Variants in CNOT10 observed in about 807,000 individuals in gnomAD.
CNOT10 encodes the protein CCR4-NOT transcription complex, subunit 10.
A neutral mutation model predicts 94.6 loss-of-function variants in CNOT10; 30 were observed. The observed-to-expected ratio is 0.32, with a 90% CI of 0.24 to 0.43. CNOT10 has a LOEUF of 0.43. Ranked by LOEUF, CNOT10 falls within the 20% of genes least tolerant of loss-of-function variation. The probability of loss-of-function intolerance (pLI) is 1.00; values close to 1 mark genes in which losing one functional copy is unlikely to be tolerated. For synonymous variants in CNOT10, 289 were observed against 301.6 expected (o/e 0.96, Z 0.43); for missense variants, 759 against 877.2 (o/e 0.87, Z 1.70).
At position 32,729,230 on chromosome 3, in the gene CNOT10, A is replaced by G. The variant is rs539604427; in HGVS notation, c.1215+1360A>G. On this transcript the variant is annotated intron_variant, in intron 10 of 18. Coordinates refer to ENST00000328834, the MANE Select transcript of CNOT10 (RefSeq NM_015442.3). ...CCAGGCTGTTTCTCTCTGACACATG[A>G]TTGCCCATGGTAGCTATGGGAATAG... Among the ~76,000 whole-genome samples the G allele has an allele frequency of 6.6e-5, 10 of 152,326 alleles. No homozygotes were observed. The South Asian group carries it at 1.7e-3, about 25-fold the overall frequency.
chr3:32,715,152 A>C (rs888542073), intron 5 of CNOT10, among the ~76,000 whole-genome samples: 2 of 152,216 alleles, frequency 1.3e-5, no homozygotes, highest in Non-Finnish European at 2.9e-5. Flanking sequence ...GGTGACAAAA[A>C]CAAAAACGTT....
rs190513244 is a variant in CNOT10 at position 32,724,779 on chromosome 3, G to A, written c.863-671G>A. Among the ~76,000 whole-genome samples, 588 of 150,418 alleles carry A rather than the reference G, an allele frequency of 3.9e-3. 3 individuals are homozygous for A. The highest frequency in any genetic ancestry group is 0.014 in the African/African-American group (565 of 41,032). On this transcript the variant is annotated intron_variant, in intron 8 of 18. Coordinates refer to ENST00000328834, the MANE Select transcript of CNOT10 (RefSeq NM_015442.3). ...TCACCATGTTGGCCAGGCTAGTCTCGAACTCCTGACCTCAAGTGATCCACC... is the reference window on the plus strand; with the variant it reads ...TCACCATGTTGGCCAGGCTAGTCTCAAACTCCTGACCTCAAGTGATCCACC...
At chr3:32,700,403 A>G (rs1251202452) in intron 1 of CNOT10, among the ~76,000 whole-genome samples, 1 of 152,214 alleles carries the variant, frequency 6.6e-6, no homozygotes, top group Non-Finnish European at 1.5e-5. Flanking sequence ...TCCACTTTGT[A>G]GCATCTGTTT....
chr3:32,725,189 A>G (rs1327377749), intron 8 of CNOT10, among the ~76,000 whole-genome samples: 1 of 152,132 alleles, frequency 6.6e-6, no homozygotes, highest in Non-Finnish European at 1.5e-5. Flanking sequence ...TAAAAAAGGA[A>G]AAAAAAATCC....
At chr3:32,712,839 A>G (rs534228279) in intron 4 of CNOT10, among the ~76,000 whole-genome samples, 1 of 152,364 alleles carries the variant, frequency 6.6e-6, no homozygotes, top group South Asian at 2.1e-4. Flanking sequence ...ATACCATCTC[A>G]GAAACAAAAA....
intron 13 of CNOT10, among the ~76,000 whole-genome samples, chr3:32,749,914 G>A (rs957535684): frequency 2.0e-5 from 3 of 152,072 alleles, no homozygotes; most frequent in African/African-American, 4.8e-5. Context: ...AGGAAAGGAG[G>A]GAAGGAGGAA....
chr3:32,688,412 A>C (rs1001347368), intron 1 of CNOT10, among the ~76,000 whole-genome samples: 1 of 151,988 alleles, frequency 6.6e-6, no homozygotes, highest in Non-Finnish European at 1.5e-5. Flanking sequence ...CAGCCTGACC[A>C]ACATGGTGAA....
At chr3:32,726,323 A>G (rs544842681) in intron 9 of CNOT10, among the ~76,000 whole-genome samples, 1 of 152,306 alleles carries the variant, frequency 6.6e-6, no homozygotes, top group South Asian at 2.1e-4. Flanking sequence ...CCTGACATTT[A>G]TCCTTTAATA....
Position 32,720,107 on chromosome 3 carries a change from T to C in CNOT10, c.745-7T>C. 3.6e-6 allele frequency: 5 copies of C among 1,395,940 alleles called. No individual in the cohort carries two copies. Among genetic ancestry groups the C allele is most frequent in the South Asian group, 1.5e-5 (1 of 66,902 alleles). 86.5% of individuals were successfully genotyped at this position (1,395,940 alleles called of 1,614,324 possible). A position where few individuals can be genotyped will look rare whatever the true frequency, so the allele number is the denominator to read the frequency against. On this transcript the variant is annotated splice_region_variant and splice_polypyrimidine_tract_variant and intron_variant, in intron 7 of 18. Transcript: ENST00000328834. Reference sequence around the variant, plus strand: ...AATTATAAGTAACTTTTATATTTTCTCTACAGTCCGCACCCTCTCTCTTTC... The same window carrying C: ...AATTATAAGTAACTTTTATATTTTCCCTACAGTCCGCACCCTCTCTCTTTC...
At chr3:32,759,620 T>A (rs758884978) in intron 14 of CNOT10, 49 bp downstream of exon 14, 2 of 1,345,342 alleles carry the variant, frequency 1.5e-6, no homozygotes, top group East Asian at 4.6e-5. Flanking sequence ...GTTTTGAGGT[T>A]TCTCCTTGGT....
chr3:32,725,627 T>C, intron 9 of CNOT10, 28 bp downstream of exon 9: 1 of 1,564,674 alleles, frequency 6.4e-7, no homozygotes, highest in South Asian at 1.2e-5. Flanking sequence ...GGACAGTTTG[T>C]ATTTACTACT....
At chr3:32,764,336 CAA>C (rs753565203) in intron 15 of CNOT10, 117 bp from the exon 16 acceptor site, 4,332 of 790,320 alleles carry the variant, frequency 5.5e-3, no homozygotes, top group South Asian at 8.5e-3. Flanking sequence ...GGCTCCATCT[CAA>C]AAAAAAAAAA....
intron 12 of CNOT10, among the ~76,000 whole-genome samples, chr3:32,736,895 G>T (rs1360143686): frequency 6.6e-6 from 1 of 151,998 alleles, no homozygotes; most frequent in Non-Finnish European, 1.5e-5. Context: ...ATTTTTTAAA[G>T]CAGTATTGGA....
chr3:32,731,301 C>T (rs891373184), intron 10 of CNOT10, among the ~76,000 whole-genome samples: 1 of 152,074 alleles, frequency 6.6e-6, no homozygotes, highest in Non-Finnish European at 1.5e-5. Context: ...CATTCAGGAG[C>T]AATAAGTAAC....
chr3:32,734,250 ACTT>A (rs780906904), intron 11 of CNOT10, among the ~76,000 whole-genome samples: 23 of 152,202 alleles, frequency 1.5e-4, no homozygotes, highest in Middle Eastern at 3.2e-3. Context: ...AGTTGTTACT[ACTT>A]TTCAAAATTT....
intron 13 of CNOT10, among the ~76,000 whole-genome samples, chr3:32,741,056 C>T (rs1002200458): frequency 1.3e-5 from 2 of 151,974 alleles, no homozygotes; most frequent in African/African-American, 2.4e-5. Context: ...CTCTTATAGC[C>T]ATACCCACTT....
intron 8 of CNOT10, among the ~76,000 whole-genome samples, chr3:32,724,650 G>T (rs551009447): frequency 6.6e-6 from 1 of 152,068 alleles, no homozygotes; most frequent in Admixed American, 6.6e-5. Flanking sequence ...CTGACCTCGT[G>T]ATCCGCCCAC....
intron 13 of CNOT10, among the ~76,000 whole-genome samples, chr3:32,754,636 C>T (rs959455553): frequency 7.4e-4 from 105 of 142,214 alleles, no homozygotes; most frequent in Non-Finnish European, 1.2e-3. Context: ...TCTTCTGCCT[C>T]GACCTCCTGA....
chr3:32,720,379 A>G lies in CNOT10; in HGVS notation c.862+148A>G, dbSNP rs142992468. Reference sequence around the variant, plus strand: ...TAATATTTCTGGTGCAAAAATTTCCAGGAATTCTTGTTTCTACTTTAGAAG... The same window carrying G: ...TAATATTTCTGGTGCAAAAATTTCCGGGAATTCTTGTTTCTACTTTAGAAG... On this transcript the variant is annotated intron_variant, in intron 8 of 18. Coordinates refer to ENST00000328834, the MANE Select transcript of CNOT10 (RefSeq NM_015442.3). The G allele has an allele frequency of 5.9e-3, 2,529 of 431,656 alleles. 63 individuals are homozygous for G. Among genetic ancestry groups the G allele is most frequent in the African/African-American group, 0.045 (2,259 of 50,524 alleles). 26.7% of individuals were successfully genotyped at this position (431,656 alleles called of 1,614,324 possible).
Sources: allele counts gnomAD v4.1 joint callset (sites outside exome capture counted in the v4.1 genomes callset), GRCh38; gene constraint gnomAD v4.1.1; transcripts MANE v1.5; gene names NCBI Gene and HGNC (gene_info 2026-07-23, HGNC 2026-07-21).